The following ZNF385D variants were observed in gnomAD, a reference collection of about 807,000 sequenced individuals.
The protein encoded by ZNF385D is zinc finger protein 659.
A neutral mutation model predicts 35.8 loss-of-function variants in ZNF385D; 15 were observed. The observed-to-expected ratio is 0.42, with a 90% CI of 0.28 to 0.64. ZNF385D has a LOEUF of 0.64. Ranked by LOEUF, ZNF385D falls within the 30% of genes least tolerant of loss-of-function variation. The pLI is 0.23. For missense variants in ZNF385D, 474 were observed against 494.6 expected (o/e 0.96, Z 0.39); for synonymous variants, 212 against 186.8 (o/e 1.13, Z -1.10).
chr3:22,047,750 T>C (rs1408372343), intron 3 of ZNF385D, among the ~76,000 whole-genome samples: 2 of 152,202 alleles, frequency 1.3e-5, no homozygotes, highest in East Asian at 3.8e-4. Context: ...TTATACTCTT[T>C]AGATGTATAC....
chr3:21,897,803 A>G, intron 3 of ZNF385D, among the ~76,000 whole-genome samples: 1 of 152,146 alleles, frequency 6.6e-6, no homozygotes, highest in East Asian at 1.9e-4. Flanking sequence ...AGATGCATTC[A>G]TGTGATCACC....
At chr3:21,489,043 A>G (rs1705227657) in intron 4 of ZNF385D, among the ~76,000 whole-genome samples, 2 of 152,148 alleles carry the variant, frequency 1.3e-5, no homozygotes, top group South Asian at 2.1e-4. Context: ...CAGCCGAAGA[A>G]TGCCATTTAA....
At chr3:22,061,436 C>T (rs1178724837) in intron 3 of ZNF385D, among the ~76,000 whole-genome samples, 1 of 152,134 alleles carries the variant, frequency 6.6e-6, no homozygotes, top group Non-Finnish European at 1.5e-5. Context: ...GGAAGTCCTG[C>T]TTAAACGTTT....
At chr3:21,456,229 T>C (rs1013154060) in intron 4 of ZNF385D, among the ~76,000 whole-genome samples, 1 of 152,152 alleles carries the variant, frequency 6.6e-6, no homozygotes, top group Non-Finnish European at 1.5e-5. Context: ...AGCCATCCCA[T>C]TACTGGGTAT....
At chr3:22,309,614 T>C (rs1703426003) in intron 2 of ZNF385D, among the ~76,000 whole-genome samples, 1 of 152,028 alleles carries the variant, frequency 6.6e-6, no homozygotes, top group Non-Finnish European at 1.5e-5. Context: ...AAAATATATT[T>C]AGCTAGCTTT....
intron 3 of ZNF385D, among the ~76,000 whole-genome samples, chr3:21,866,536 A>G (rs553188503): frequency 3.2e-4 from 49 of 152,212 alleles, no homozygotes; most frequent in South Asian, 2.1e-4. Context: ...TTTGCATCAT[A>G]CTCAACTGGA....
At chr3:21,853,542 T>A (rs1399770700) in intron 3 of ZNF385D, among the ~76,000 whole-genome samples, 1 of 150,614 alleles carries the variant, frequency 6.6e-6, no homozygotes, top group Non-Finnish European at 1.5e-5. Context: ...AATGTCACTT[T>A]ATCATATCAT....
chr3:21,823,939 A>G (rs1458620687), intron 3 of ZNF385D, among the ~76,000 whole-genome samples: 1 of 152,216 alleles, frequency 6.6e-6, no homozygotes, highest in African/African-American at 2.4e-5. Context: ...TGAAGTTGTC[A>G]CTTTATTGAG....
chr3:21,932,708 A>T (rs1701074812), intron 3 of ZNF385D, among the ~76,000 whole-genome samples: 1 of 151,960 alleles, frequency 6.6e-6, no homozygotes, highest in African/African-American at 2.4e-5. Flanking sequence ...TCTTGACTTT[A>T]TGGTTTCTCA....
rs1298390309 is a variant in ZNF385D at position 21,634,284 on chromosome 3, A to T, written c.165+30602T>A. Among the ~76,000 whole-genome samples the T allele has an allele frequency of 2.0e-5, 3 of 151,016 alleles. No homozygotes were observed. In the South Asian group the frequency reaches 6.3e-4, roughly 32 times the overall value. On this transcript the variant is annotated intron_variant, in intron 2 of 7. Transcript: ENST00000281523. Reference sequence around the variant, plus strand: ...AGGAGGAAAGGAAGGAAGGAAGAAAAGAAAGGAAGAAAGGAGAGGAAGGGA... The same window carrying T: ...AGGAGGAAAGGAAGGAAGGAAGAAATGAAAGGAAGAAAGGAGAGGAAGGGA...
At chr3:21,489,943 G>C (rs1705303184) in intron 4 of ZNF385D, among the ~76,000 whole-genome samples, 2 of 152,078 alleles carry the variant, frequency 1.3e-5, no homozygotes, top group African/African-American at 4.8e-5. Flanking sequence ...CCACTTGAGA[G>C]GCTACCATTC....
At chr3:22,078,500 A>C in intron 3 of ZNF385D, among the ~76,000 whole-genome samples, 1 of 152,086 alleles carries the variant, frequency 6.6e-6, no homozygotes, top group Non-Finnish European at 1.5e-5. Context: ...TGAGACATTA[A>C]GTCTCAAAGT....
At chr3:22,152,692 C>T (rs954360837) in intron 3 of ZNF385D, among the ~76,000 whole-genome samples, 3 of 152,158 alleles carry the variant, frequency 2.0e-5, no homozygotes, top group African/African-American at 7.2e-5. Context: ...ATTTTTCCTA[C>T]CCAGATAATG....
rs1250668573 is a variant in ZNF385D, at chr3:21,416,928, C to G, written c.*4286G>C. ...ACTGCCAGCTGTCTATTGCCTTTTT[C>G]AGGGTTGGTTTTGTTCAGAATTTAT... On this transcript the variant is annotated 3_prime_UTR_variant, in exon 8 of 8. Coordinates refer to ENST00000281523, the MANE Select transcript of ZNF385D (RefSeq NM_024697.3). The G allele has an allele frequency of 6.6e-6, 1 of 152,010 alleles. No individual in the cohort carries two copies. Among genetic ancestry groups the G allele is most frequent in the East Asian group, 1.9e-4 (1 of 5,182 alleles). The allele number at this position is 152,010 out of a possible 1,614,324, so 9.4% of individuals were successfully genotyped here. A position where few individuals can be genotyped will look rare whatever the true frequency, so the allele number is the denominator to read the frequency against.
intron 3 of ZNF385D, among the ~76,000 whole-genome samples, chr3:21,979,445 A>G (rs926207580): frequency 6.6e-6 from 1 of 152,206 alleles, no homozygotes; most frequent in African/African-American, 2.4e-5. Flanking sequence ...TTAGCCACTA[A>G]GCTGAAACCA....
chr3:22,259,336 A>G (rs1291250907), intron 2 of ZNF385D, among the ~76,000 whole-genome samples: 2 of 151,866 alleles, frequency 1.3e-5, no homozygotes, highest in Non-Finnish European at 2.9e-5. Flanking sequence ...TTGCATGAAA[A>G]CATGAATTTT....
At position 21,693,980 on chromosome 3, in the gene ZNF385D, G is replaced by A. The variant is rs192095673; in HGVS notation, c.23-28952C>T. ...TGCAACCTCCACCTCCCGGGTTCAA[G>A]CGATTCTCCTGCCTCAGCCTCCTGC... is the stretch of plus-strand genomic sequence containing the variant. On this transcript the variant is annotated intron_variant, in intron 1 of 7. Transcript: ENST00000281523. 2.9e-3 allele frequency among the ~76,000 whole-genome samples: 406 copies of A among 142,398 alleles called. 2 individuals are homozygous for A. The highest frequency in any genetic ancestry group is 9.9e-3 in the African/African-American group (382 of 38,482). The allele number at this position is 142,398 out of a possible 152,430, so 93.4% of individuals were successfully genotyped here.
chr3:21,533,897 C>T (rs549439915), intron 3 of ZNF385D, among the ~76,000 whole-genome samples: 1 of 152,036 alleles, frequency 6.6e-6, no homozygotes, highest in African/African-American at 2.4e-5. Context: ...AAATATCAGA[C>T]CTCTAGCAAT....
At chr3:22,100,211 A>G (rs1701859716) in intron 3 of ZNF385D, among the ~76,000 whole-genome samples, 1 of 144,206 alleles carries the variant, frequency 6.9e-6, no homozygotes, top group African/African-American at 2.7e-5. Flanking sequence ...GTGGAGAAAT[A>G]GGAACACTTT....
Sources: gnomAD v4.1 joint callset for allele counts (sites outside exome capture counted in the v4.1 genomes callset) on GRCh38, gnomAD v4.1.1 for gene constraint, MANE v1.5 for transcripts, NCBI Gene and HGNC (gene_info 2026-07-23, HGNC 2026-07-21) for gene names.